Variants in NPM1 observed in about 807,000 individuals in gnomAD.
NPM1 encodes nucleophosmin.
Under a neutral mutation model 44.1 loss-of-function variants are expected in NPM1, and 1 was observed. The ratio of observed to expected loss-of-function variants is 0.02; its 90% CI spans 0.01 to 0.11. The LOEUF (loss-of-function observed/expected upper bound fraction) is 0.11. Ranked by LOEUF, NPM1 falls within the 10% of genes least tolerant of loss-of-function variation. The pLI is 1.00. For synonymous variants in NPM1, 126 were observed against 111.8 expected, an observed-to-expected ratio of 1.13 and a Z score of -0.80; for missense variants, 197 against 347.8, an observed-to-expected ratio of 0.57 and a Z score of 3.45.
chr5:171,396,015 T>C (rs1422241654), intron 6 of NPM1, among the ~76,000 whole-genome samples: 3 of 151,718 alleles, frequency 2.0e-5, no homozygotes, highest in African/African-American at 7.3e-5. Context: ...TGAAGTGCAT[T>C]GTTGGCTAGG....
chr5:171,399,054 A>G (rs1372497594), intron 6 of NPM1, among the ~76,000 whole-genome samples: 2 of 151,990 alleles, frequency 1.3e-5, no homozygotes, highest in African/African-American at 4.8e-5. Flanking sequence ...TTTCCCCATT[A>G]GCCAGGCTGG....
At chr5:171,394,507 A>G (rs1267389289) in intron 6 of NPM1, among the ~76,000 whole-genome samples, 2 of 152,130 alleles carry the variant, frequency 1.3e-5, no homozygotes, top group African/African-American at 2.4e-5. Flanking sequence ...TTACCATGCT[A>G]CTCAGACTGG....
At chr5:171,388,464 C>G (rs992581296) in intron 1 of NPM1, among the ~76,000 whole-genome samples, 2 of 152,114 alleles carry the variant, frequency 1.3e-5, no homozygotes, top group Non-Finnish European at 2.9e-5. Flanking sequence ...TGGCGTTATT[C>G]TGGCCTCAGA....
chr5:171,395,731 A>G (rs533954586), intron 6 of NPM1, among the ~76,000 whole-genome samples: 2 of 152,218 alleles, frequency 1.3e-5, no homozygotes, highest in African/African-American at 4.8e-5. Flanking sequence ...GGTTCGTTAT[A>G]GTTACTTAGA....
chr5:171,390,831 C>A (rs926287606), intron 2 of NPM1, among the ~76,000 whole-genome samples: 1 of 151,880 alleles, frequency 6.6e-6, no homozygotes, highest in Non-Finnish European at 1.5e-5. Context: ...TCAAGTAATT[C>A]CCTGCCTCAC....
intron 8 of NPM1, among the ~76,000 whole-genome samples, chr5:171,401,683 C>T (rs1771211295): frequency 1.3e-5 from 2 of 152,202 alleles, no homozygotes; most frequent in Admixed American, 6.5e-5. Context: ...TGCAGGTGAT[C>T]CGCCCTCCTG....
intron 10 of NPM1, among the ~76,000 whole-genome samples, chr5:171,409,033 C>A (rs1771700443): frequency 1.3e-5 from 2 of 152,116 alleles, no homozygotes; most frequent in South Asian, 4.1e-4. Context: ...TGGTCTTGAA[C>A]TCCTGGCCTC....
chr5:171,403,955 G>A lies in NPM1; in HGVS notation c.670-1347G>A, dbSNP rs1418904985. ...TCCCGGACGGGGCGGCTGGCCGGGT[G>A]GGGGGGCTGACCCCCCCATCTCCCG... On this transcript the variant is annotated intron_variant, in intron 8 of 10. Transcript: ENST00000296930. Among the ~76,000 whole-genome samples, 6 of 78,244 alleles carry A rather than the reference G, an allele frequency of 7.7e-5. 2 individuals carry two copies. The highest frequency in any genetic ancestry group is 5.3e-5 in the Non-Finnish European group (2 of 37,922). 51.3% of individuals were successfully genotyped at this position (78,244 alleles called of 152,430 possible).
chr5:171,387,120 G>T (rs1409343360), upstream of NPM1: 1 of 152,278 alleles, frequency 6.6e-6, no homozygotes, highest in Non-Finnish European at 1.5e-5. Flanking sequence ...CTCTTAGGGC[G>T]ATGTCCTTGC....
intron 10 of NPM1, among the ~76,000 whole-genome samples, chr5:171,409,050 T>TA (rs1159594450): frequency 2.0e-5 from 3 of 152,092 alleles, no homozygotes; most frequent in African/African-American, 7.2e-5. Flanking sequence ...CCTCAAGCAG[T>TA]CCTCCCATCT....
At position 171,405,420 on chromosome 5, in the gene NPM1, T is replaced by TA. The variant is rs755339918; in HGVS notation, c.771+24dup. On this transcript the variant is annotated intron_variant, in intron 9 of 10. Coordinates refer to ENST00000296930, the MANE Select transcript of NPM1 (RefSeq NM_002520.7). ...ATAGAAAAAGTGAGTAAAGTTATCT[T>TA]AAAAAAACTTTGTCTCCCCCCTCAA... 64 of 1,220,230 alleles carry TA rather than the reference T, an allele frequency of 5.2e-5. No homozygotes were observed. Among genetic ancestry groups the TA allele is most frequent in the Non-Finnish European group, 7.4e-5 (62 of 837,332 alleles). 75.6% of individuals were successfully genotyped at this position (1,220,230 alleles called of 1,614,324 possible). A position where few individuals can be genotyped will look rare whatever the true frequency, so the allele number is the denominator to read the frequency against.
intron 1 of NPM1, 106 bp downstream of exon 1, chr5:171,388,112 C>A: frequency 9.8e-7 from 1 of 1,024,120 alleles, no homozygotes; most frequent in Non-Finnish European, 1.5e-6. Flanking sequence ...TGGAGACCGC[C>A]AGACCGACGG....
chr5:171,399,080 C>G (rs987307382), intron 6 of NPM1, among the ~76,000 whole-genome samples: 1 of 152,104 alleles, frequency 6.6e-6, no homozygotes, highest in Non-Finnish European at 1.5e-5. Context: ...AACTCCTGAC[C>G]TCAGGTGATC....
chr5:171,410,094 C>A (rs1771750081), intron 10 of NPM1, among the ~76,000 whole-genome samples: 1 of 152,232 alleles, frequency 6.6e-6, no homozygotes, highest in Admixed American at 6.5e-5. Flanking sequence ...CCATGCCTAG[C>A]CTCAGCATAT....
At chr5:171,387,822 T>C, upstream of NPM1, 3 of 860,672 alleles carry the variant, frequency 3.5e-6, no homozygotes, top group Non-Finnish European at 5.7e-6. Flanking sequence ...CTTCAGGGTC[T>C]ATATATAAGC....
intron 6 of NPM1, among the ~76,000 whole-genome samples, chr5:171,398,381 G>C (rs1771021668): frequency 6.6e-6 from 1 of 152,086 alleles, no homozygotes; most frequent in Non-Finnish European, 1.5e-5. Context: ...GTGAATGGAG[G>C]GGTCTAAATA....
At chr5:171,391,220 C>CT in intron 2 of NPM1, 85 bp from the exon 3 acceptor site, 1 of 1,458,956 alleles carries the variant, frequency 6.9e-7, no homozygotes, top group East Asian at 2.3e-5. Context: ...GGTTAAGTGA[C>CT]GCATGGCTGC....
chr5:171,393,064 TAA>T (rs1422396926), intron 6 of NPM1, 86 bp downstream of exon 6: 4 of 1,494,304 alleles, frequency 2.7e-6, no homozygotes, highest in South Asian at 2.6e-5. Flanking sequence ...GAGGGTTTTA[TAA>T]AAGTCATTTA....
rs76740372 is a variant in NPM1, at chr5:171,399,337, C to T, written c.525-816C>T. On this transcript the variant is annotated intron_variant, in intron 6 of 10. Transcript: ENST00000296930. ...GGCAGAATTACACAGTTACAGTTCACTGTCTCAAGCAGATCCTCCTGCCTT... is the reference window on the plus strand; with the variant it reads ...GGCAGAATTACACAGTTACAGTTCATTGTCTCAAGCAGATCCTCCTGCCTT... Among the ~76,000 whole-genome samples, 1,266 of 152,270 alleles carry T rather than the reference C, an allele frequency of 8.3e-3. 33 individuals carry two copies. The highest frequency in any genetic ancestry group is 0.081 in the East Asian group (418 of 5,178).
Sources: gnomAD v4.1 joint callset for allele counts (sites outside exome capture counted in the v4.1 genomes callset) on GRCh38, gnomAD v4.1.1 for gene constraint, MANE v1.5 for transcripts, NCBI Gene and HGNC (gene_info 2026-07-23, HGNC 2026-07-21) for gene names.